CASQ2: variants seen among roughly 807,000 people sequenced by gnomAD.
The protein encoded by CASQ2 is calsequestrin-2.
CASQ2 carries 49 observed loss-of-function variants against 46.5 expected under a neutral mutation model. The ratio of observed to expected loss-of-function variants is 1.05; its 90% CI spans 0.84 to 1.34. The LOEUF (loss-of-function observed/expected upper bound fraction) is 1.34, where lower values mean the gene tolerates loss of function less well. Among genes scored for constraint, CASQ2 ranks in the 40% most tolerant of loss-of-function variants. The pLI is 0.00. For missense variants in CASQ2, 486 were observed against 481.3 expected (o/e 1.01, Z -0.09); for synonymous variants, 174 against 168.5 (o/e 1.03, Z -0.25).
chr1:115,741,095 C>T (rs910785185), intron 2 of CASQ2, among the ~76,000 whole-genome samples: 2 of 152,190 alleles, frequency 1.3e-5, no homozygotes, highest in African/African-American at 4.8e-5. Flanking sequence ...CTTTAGTTTT[C>T]CAAAAATACA....
intron 1 of CASQ2, among the ~76,000 whole-genome samples, chr1:115,759,933 G>A (rs1428160135): frequency 6.6e-6 from 1 of 152,190 alleles, no homozygotes; most frequent in Non-Finnish European, 1.5e-5. Flanking sequence ...CACCTTCTGA[G>A]TTGGTCTTTA....
rs115507777 is a variant in CASQ2, at chr1:115,721,619, T to G, written c.784-3725A>C. Among the ~76,000 whole-genome samples, 900 of 152,264 alleles carry G rather than the reference T, an allele frequency of 5.9e-3. 9 individuals carry two copies. The highest frequency in any genetic ancestry group is 0.021 in the African/African-American group (866 of 41,558). ...CAGGGTTTCACTCTGTTGCCCAGGT[T>G]GGAGTGCAGTGGCACATCTCAGCTC... On this transcript the variant is annotated intron_variant, in intron 7 of 10. Transcript: ENST00000261448.
At chr1:115,766,383 C>A (rs973686470) in intron 1 of CASQ2, among the ~76,000 whole-genome samples, 6 of 152,194 alleles carry the variant, frequency 3.9e-5, no homozygotes, top group African/African-American at 1.4e-4. Flanking sequence ...GTAACTGTAC[C>A]TACTTAATAG....
intron 4 of CASQ2, among the ~76,000 whole-genome samples, chr1:115,734,630 C>A (rs965775361): frequency 2.6e-5 from 4 of 152,208 alleles, no homozygotes; most frequent in Non-Finnish European, 5.9e-5. Context: ...CTGGTCCCTT[C>A]CAGTCAGACC....
At chr1:115,758,746 T>C (rs1648843791) in intron 1 of CASQ2, among the ~76,000 whole-genome samples, 1 of 152,254 alleles carries the variant, frequency 6.6e-6, no homozygotes, top group African/African-American at 2.4e-5. Context: ...CCTCTGGTGC[T>C]GTGTGATCTC....
At chr1:115,734,871 C>T (rs1003575432) in intron 4 of CASQ2, among the ~76,000 whole-genome samples, 1 of 152,154 alleles carries the variant, frequency 6.6e-6, no homozygotes, top group African/African-American at 2.4e-5. Context: ...TATCATCTGT[C>T]TTACAAAGAA....
At chr1:115,750,577 C>T (rs918750684) in intron 1 of CASQ2, among the ~76,000 whole-genome samples, 3 of 152,146 alleles carry the variant, frequency 2.0e-5, no homozygotes, top group Admixed American at 6.5e-5. Context: ...GGCACAATCA[C>T]GGCTCACTGA....
At chr1:115,723,665 G>A (rs972234841) in intron 7 of CASQ2, among the ~76,000 whole-genome samples, 15 of 151,958 alleles carry the variant, frequency 9.9e-5, no homozygotes, top group Admixed American at 9.8e-4. Flanking sequence ...AGCCTCCAGA[G>A]TAGGTGGGAC....
chr1:115,757,175 T>G (rs1648790774), intron 1 of CASQ2, among the ~76,000 whole-genome samples: 1 of 152,164 alleles, frequency 6.6e-6, no homozygotes, highest in Non-Finnish European at 1.5e-5. Context: ...AGGAAAAATT[T>G]AACTGTAATC....
In CASQ2 at chr1:115,701,276, C is replaced by A. The variant is rs747847223; in HGVS notation, c.1165G>T (p.Asp389Tyr). 1.1e-5 allele frequency: 17 copies of A among 1,603,488 alleles called. No homozygotes were observed. The South Asian group carries it at 1.1e-4, about 10-fold the overall frequency. Reference protein sequence around the residue: ...DDDDDNSDEEDNDDSDDDDDE With the variant: ...DDDDDNSDEEYNDDSDDDDDE The stretch of plus-strand genomic sequence containing the variant: ...TCATCGTCATCACTGTCATCATTAT[C>A]CTCTTCATCAGAATTATCATCATCA... The change falls in exon 11 of 11, where the codon GAT (aspartate) becomes TAT (tyrosine). Residue 389 changes from aspartate to tyrosine, a missense_variant. Transcript: ENST00000261448.
intron 5 of CASQ2, among the ~76,000 whole-genome samples, chr1:115,728,469 G>C (rs1177229132): frequency 2.0e-5 from 3 of 152,098 alleles, no homozygotes; most frequent in Non-Finnish European, 2.9e-5. Context: ...TCAGGGGTAG[G>C]GGGGTGATGT....
intron 1 of CASQ2, among the ~76,000 whole-genome samples, chr1:115,756,500 C>T (rs1268744679): frequency 3.3e-5 from 5 of 152,140 alleles, no homozygotes; most frequent in East Asian, 1.9e-4. Context: ...CTCAAACTGC[C>T]GCAGAGTAGG....
chr1:115,718,518 C>T (rs1392355280), intron 7 of CASQ2, among the ~76,000 whole-genome samples: 1 of 152,206 alleles, frequency 6.6e-6, no homozygotes, highest in Non-Finnish European at 1.5e-5. Flanking sequence ...ACCCTGCCTA[C>T]AGAACCCATG....
intron 8 of CASQ2, among the ~76,000 whole-genome samples, chr1:115,715,828 T>C (rs1324363950): frequency 3.3e-5 from 5 of 152,216 alleles, no homozygotes; most frequent in Non-Finnish European, 7.4e-5. Flanking sequence ...GGGCTCTGTC[T>C]TGGTTGGTCA....
intron 7 of CASQ2, among the ~76,000 whole-genome samples, chr1:115,724,904 C>G (rs1391626872): frequency 6.6e-6 from 1 of 152,184 alleles, no homozygotes; most frequent in Admixed American, 6.5e-5. Flanking sequence ...GTTCCTTCCA[C>G]TGTGTTACTG....
chr1:115,738,274 A>G lies in CASQ2; in HGVS notation c.482T>C (p.Ile161Thr), dbSNP rs151201435. 6.2e-6 allele frequency: 10 copies of G among 1,614,038 alleles called. No homozygotes were observed. In the Admixed American group the frequency reaches 6.7e-5, roughly 11 times the overall value. Residue 161 changes from isoleucine to threonine, a missense_variant, in exon 4 of 11, where the codon ATT (isoleucine) becomes ACT (threonine). Transcript: ENST00000261448. ...SKLEVQAFER[I>T]EDYIKLIGFF... ...GCCAATGAGTTTGATGTAGTCTTCA[A>G]TGCGTTCGAAGGCTTGGACTTCCAG...
At chr1:115,751,685 A>T (rs1198610025) in intron 1 of CASQ2, among the ~76,000 whole-genome samples, 2 of 145,794 alleles carry the variant, frequency 1.4e-5, no homozygotes, top group Non-Finnish European at 3.0e-5. Flanking sequence ...AAAAAAAAAA[A>T]TAGCTCTAGG....
chr1:115,701,861 T>G (rs1654214639), intron 10 of CASQ2, among the ~76,000 whole-genome samples: 1 of 152,226 alleles, frequency 6.6e-6, no homozygotes, highest in African/African-American at 2.4e-5. Flanking sequence ...GAATGTAGAG[T>G]TCCCTAGGTG....
At chr1:115,711,737 C>T (rs958816662) in intron 8 of CASQ2, among the ~76,000 whole-genome samples, 1 of 151,956 alleles carries the variant, frequency 6.6e-6, no homozygotes, top group Non-Finnish European at 1.5e-5. Flanking sequence ...TCACTGCAAC[C>T]TCTGCCTCCC....
Sources: gnomAD v4.1 joint callset for allele counts (sites outside exome capture counted in the v4.1 genomes callset) on GRCh38, gnomAD v4.1.1 for gene constraint, MANE v1.5 for transcripts, NCBI Gene and HGNC (gene_info 2026-07-23, HGNC 2026-07-21) for gene names.